Variants in ZBTB20 observed in about 807,000 individuals in gnomAD.
ZBTB20 encodes zinc finger and BTB domain-containing protein 20.
In ZBTB20, 9 loss-of-function variants were observed where a neutral mutation model predicts 56.9. The observed-to-expected ratio is 0.16, with a 90% CI of 0.10 to 0.28. The LOEUF is 0.28. Ranked by LOEUF, ZBTB20 falls within the 10% of genes least tolerant of loss-of-function variation. ZBTB20 has a pLI of 1.00. For missense variants in ZBTB20, 655 were observed against 1,003.0 expected, an observed-to-expected ratio of 0.65 and a Z score of 4.69; for synonymous variants, 417 against 420.7, an observed-to-expected ratio of 0.99 and a Z score of 0.11.
chr3:114,580,445 A>T (rs1269341728), intron 6 of ZBTB20, among the ~76,000 whole-genome samples: 2 of 151,800 alleles, frequency 1.3e-5, no homozygotes, highest in Non-Finnish European at 3.0e-5. Flanking sequence ...GAAACAGAAT[A>T]GATATTCTTA....
intron 6 of ZBTB20, among the ~76,000 whole-genome samples, chr3:114,513,711 C>T (rs1320069609): frequency 3.3e-5 from 5 of 152,060 alleles, no homozygotes; most frequent in African/African-American, 9.7e-5. Flanking sequence ...CAAAACCAAA[C>T]CTAAAAGCAG....
chr3:115,070,248 T>C (rs2082360172), intron 2 of ZBTB20, among the ~76,000 whole-genome samples: 1 of 152,162 alleles, frequency 6.6e-6, no homozygotes, highest in Admixed American at 6.6e-5. Flanking sequence ...TAAACTGCAA[T>C]TTGTTTTAGC....
At chr3:114,907,562 A>C (rs1419785866) in intron 3 of ZBTB20, among the ~76,000 whole-genome samples, 1 of 151,848 alleles carries the variant, frequency 6.6e-6, no homozygotes, top group African/African-American at 2.4e-5. Context: ...AGTTCATCTG[A>C]ATTCATAGCC....
chr3:114,889,598 A>G, intron 4 of ZBTB20, among the ~76,000 whole-genome samples: 1 of 152,210 alleles, frequency 6.6e-6, no homozygotes, highest in South Asian at 2.1e-4. Context: ...GTGAATAAAA[A>G]ATAAATCATA....
intron 7 of ZBTB20, among the ~76,000 whole-genome samples, chr3:114,489,850 A>C (rs1261041386): frequency 6.6e-6 from 1 of 152,236 alleles, no homozygotes; most frequent in Non-Finnish European, 1.5e-5. Context: ...ACAGAATGGA[A>C]TGTGCCCAAA....
At chr3:114,628,809 A>G (rs2058779590) in intron 6 of ZBTB20, among the ~76,000 whole-genome samples, 1 of 152,116 alleles carries the variant, frequency 6.6e-6, no homozygotes, top group African/African-American at 2.4e-5. Flanking sequence ...TGCTGTTAAT[A>G]TTTCATCTGC....
intron 6 of ZBTB20, among the ~76,000 whole-genome samples, chr3:114,632,935 T>C (rs773006524): frequency 7.9e-5 from 12 of 152,194 alleles, no homozygotes; most frequent in Non-Finnish European, 1.6e-4. Context: ...TGTTTAAACA[T>C]TCAACTGTGC....
chr3:114,373,068 C>T (rs950945998), intron 10 of ZBTB20, among the ~76,000 whole-genome samples: 1 of 151,992 alleles, frequency 6.6e-6, no homozygotes, highest in African/African-American at 2.4e-5. Flanking sequence ...AGGCACGTGC[C>T]ACCATGCCCA....
At chr3:114,775,628 GGAGCCCTTT>G (rs1354760209) in intron 5 of ZBTB20, among the ~76,000 whole-genome samples, 3 of 151,700 alleles carry the variant, frequency 2.0e-5, no homozygotes, top group Non-Finnish European at 2.9e-5. Context: ...GGCTGCACAC[GGAGCCCTTT>G]GATCCTAGGA....
intron 4 of ZBTB20, among the ~76,000 whole-genome samples, chr3:114,844,215 C>G (rs371113740): frequency 6.6e-6 from 1 of 150,822 alleles, no homozygotes; most frequent in Non-Finnish European, 1.5e-5. Context: ...AAAACAAGTA[C>G]AGAAGATTCT....
At chr3:114,579,784 G>T (rs1472112278) in intron 6 of ZBTB20, among the ~76,000 whole-genome samples, 1 of 151,370 alleles carries the variant, frequency 6.6e-6, no homozygotes, top group Non-Finnish European at 1.5e-5. Flanking sequence ...AAATAACTTT[G>T]TACAAATAAA....
At chr3:114,619,810 A>T (rs2058195486) in intron 6 of ZBTB20, among the ~76,000 whole-genome samples, 1 of 152,158 alleles carries the variant, frequency 6.6e-6, no homozygotes, top group South Asian at 2.1e-4. Context: ...AGACAGTGCA[A>T]ATGATTTGGC....
At chr3:114,406,716 G>C (rs2087363166) in intron 7 of ZBTB20, among the ~76,000 whole-genome samples, 1 of 151,876 alleles carries the variant, frequency 6.6e-6, no homozygotes, top group Admixed American at 6.6e-5. Context: ...AGTAGTTTTG[G>C]CTAGACAGGT....
chr3:114,716,715 T>C (rs900546272), intron 5 of ZBTB20, among the ~76,000 whole-genome samples: 12 of 152,272 alleles, frequency 7.9e-5, no homozygotes, highest in South Asian at 4.2e-4. Flanking sequence ...CATGGGTTGT[T>C]TGAAATGCAA....
At chr3:114,965,391 T>A (rs1576442615) in intron 3 of ZBTB20, among the ~76,000 whole-genome samples, 1 of 152,154 alleles carries the variant, frequency 6.6e-6, no homozygotes, top group East Asian at 1.9e-4. Flanking sequence ...TCTCTTCAAC[T>A]TATTCCTCCT....
chr3:114,866,887 TAG>T (rs1351317285), intron 4 of ZBTB20, among the ~76,000 whole-genome samples: 1 of 152,184 alleles, frequency 6.6e-6, no homozygotes, highest in Admixed American at 6.5e-5. Context: ...TTTCTGACTA[TAG>T]ATCTTGGGAC....
chr3:114,791,820 G>A (rs1202857736), intron 5 of ZBTB20: 1 of 86,196 alleles, frequency 1.2e-5, no homozygotes, highest in African/African-American at 2.6e-5. Context: ...CATCTTTGAA[G>A]ACATTTTATT....
At chr3:114,454,175 G>GGAGAGA (rs71146322) in intron 7 of ZBTB20, among the ~76,000 whole-genome samples, 8,768 of 116,434 alleles carry the variant, frequency 0.075, 429 homozygotes, top group East Asian at 0.12. Flanking sequence ...AAAAGAGAAG[G>GGAGAGA]GAGAGAGAGA....
intron 5 of ZBTB20, among the ~76,000 whole-genome samples, chr3:114,721,719 G>A (rs2064927310): frequency 6.6e-6 from 1 of 152,054 alleles, no homozygotes; most frequent in Admixed American, 6.6e-5. Context: ...TTTTTCCTAG[G>A]TACAAGGGAT....
Sources: allele counts gnomAD v4.1 joint callset (sites outside exome capture counted in the v4.1 genomes callset), GRCh38; gene constraint gnomAD v4.1.1; transcripts MANE v1.5; gene names NCBI Gene and HGNC (gene_info 2026-07-23, HGNC 2026-07-21).